C9orf43: variants seen among roughly 807,000 people sequenced by gnomAD.
C9orf43 encodes the protein uncharacterized protein C9orf43.
In C9orf43, 45 loss-of-function variants were observed where a neutral mutation model predicts 59.1. The observed-to-expected ratio is 0.76, with a 90% CI of 0.60 to 0.98. The LOEUF (loss-of-function observed/expected upper bound fraction) is 0.98. C9orf43 is among the 50% of genes least tolerant of loss of function. C9orf43 has a pLI of 0.00. For missense variants in C9orf43, 533 were observed against 554.9 expected, an observed-to-expected ratio of 0.96 and a Z score of 0.40; for synonymous variants, 203 against 196.8, an observed-to-expected ratio of 1.03 and a Z score of -0.26.
Position 113,429,160 on chromosome 9 carries a change from A to T in C9orf43, c.1172-12A>T, listed in dbSNP as rs1190966854. 4.3e-6 allele frequency: 7 copies of T among 1,612,638 alleles called. No individual in the cohort carries two copies. The African/African-American group carries it at 9.4e-5, about 22-fold the overall frequency. On this transcript the variant is annotated splice_polypyrimidine_tract_variant and intron_variant, in intron 13 of 13. Coordinates refer to ENST00000374165, the MANE Select transcript of C9orf43 (RefSeq NM_001278629.2). ...GTTTACAGGTGCAATTAATGACTGC[A>T]TCTTCTTTTAGGTCCTGAATTGTAT... is the stretch of plus-strand genomic sequence containing the variant.
chr9:113,424,352 T>C (rs983704982), intron 8 of C9orf43, 36 bp downstream of exon 8: 2 of 1,566,740 alleles, frequency 1.3e-6, no homozygotes, highest in South Asian at 2.4e-5. Flanking sequence ...GAAGCCTATG[T>C]GAAAATTCAA....
intron 3 of C9orf43, 149 bp downstream of exon 3, chr9:113,414,043 A>T (rs750037166): frequency 7.7e-5 from 66 of 851,914 alleles, no homozygotes; most frequent in Non-Finnish European, 1.1e-4. Flanking sequence ...AGTGGGAAAC[A>T]GAAAGAAACC....
intron 7 of C9orf43, 59 bp downstream of exon 7, chr9:113,423,557 A>G: frequency 6.5e-7 from 1 of 1,537,768 alleles, no homozygotes; most frequent in African/African-American, 1.4e-5. Flanking sequence ...TGAAGCTGGG[A>G]TGGGTCTAAA....
chr9:113,423,347 C>G lies in C9orf43; in HGVS notation c.505C>G (p.Leu169Val), dbSNP rs771203600. The G allele has an allele frequency of 1.9e-6, 3 of 1,613,848 alleles. No individual in the cohort carries two copies. Among genetic ancestry groups the G allele is most frequent in the Non-Finnish European group, 2.5e-6 (3 of 1,179,830 alleles). Reference sequence around the variant, plus strand: ...CCAGAAAAGCAAGTCATTTCTGGGTCTCTCTGGAAATCAGTCCGCAGGAAC... The same window carrying G: ...CCAGAAAAGCAAGTCATTTCTGGGTGTCTCTGGAAATCAGTCCGCAGGAAC... ...SAVKSKSFLGLSGNQSAGTRV... is the reference protein window; with the variant it reads ...SAVKSKSFLGVSGNQSAGTRV... Residue 169 changes from leucine to valine, a missense_variant, in exon 7 of 14, where the codon CTC becomes GTC. By Grantham distance (32) the Leu-to-Val change is conservative. Transcript: ENST00000374165.
chr9:113,410,978 G>A lies in C9orf43; in HGVS notation c.-73G>A. On this transcript the variant is annotated 5_prime_UTR_variant, in exon 1 of 14. Transcript: ENST00000374165. ...GTTGATGTTCATTTTTAATCTTTTCGCCCCTCACGCTTTTGTAATAATGGT... is the reference window on the plus strand; with the variant it reads ...GTTGATGTTCATTTTTAATCTTTTCACCCCTCACGCTTTTGTAATAATGGT... 1 of 985,880 alleles carries A rather than the reference G, an allele frequency of 1.0e-6. No homozygotes were observed. Among genetic ancestry groups the A allele is most frequent in the Non-Finnish European group, 1.2e-6 (1 of 830,334 alleles). The allele number at this position is 985,880 out of a possible 1,614,324, so 61.1% of individuals were successfully genotyped here.
chr9:113,412,292 TTTTAAAATTGATTCAAA>T (rs1445680142), intron 1 of C9orf43, among the ~76,000 whole-genome samples: 7 of 152,324 alleles, frequency 4.6e-5, no homozygotes, highest in African/African-American at 1.7e-4. Flanking sequence ...GCTATTTCAA[TTTTAAAATTGATTCAAA>T]TTTAAAATTG....
At chr9:113,419,050 G>C in intron 3 of C9orf43, 58 bp from the exon 4 acceptor site, 1 of 1,400,972 alleles carries the variant, frequency 7.1e-7, no homozygotes, top group Non-Finnish European at 1.0e-6. Context: ...TAGCACTAAC[G>C]TTATCATTCC....
At position 113,424,260 on chromosome 9, in the gene C9orf43, C is replaced by A. The variant is rs762276425; in HGVS notation, c.751C>A (p.Pro251Thr). The A allele has an allele frequency of 5.6e-6, 9 of 1,614,054 alleles. No individual in the cohort carries two copies. The highest frequency in any genetic ancestry group is 7.6e-6 in the Non-Finnish European group (9 of 1,179,984). Reference protein sequence around the residue: ...KKNLPLEKNRPDSVISSKMFL... With the variant: ...KKNLPLEKNRTDSVISSKMFL... ...GAATCTTCCCTTGGAAAAGAACCGA[C>A]CTGACAGTGTGATTTCTTCTAAGAT... The change falls in exon 8 of 14, where the codon CCT becomes ACT. Residue 251 changes from proline to threonine, a missense_variant. By Grantham distance (38) the Pro-to-Thr change is conservative (BLOSUM62 -1). Transcript: ENST00000374165.
intron 7 of C9orf43, among the ~76,000 whole-genome samples, 187 bp from the exon 8 acceptor site, chr9:113,423,979 C>T (rs1828685480): frequency 6.6e-6 from 1 of 152,202 alleles, no homozygotes; most frequent in Admixed American, 6.5e-5. Flanking sequence ...AGAATCAGCA[C>T]TGAGTATATG....
At chr9:113,418,459 C>G (rs1017142150) in intron 3 of C9orf43, among the ~76,000 whole-genome samples, 1 of 152,070 alleles carries the variant, frequency 6.6e-6, no homozygotes, top group African/African-American at 2.4e-5. Flanking sequence ...AGTACCAAAC[C>G]CTATATTTAC....
At chr9:113,418,940 G>A (rs534838313) in intron 3 of C9orf43, among the ~76,000 whole-genome samples, 168 bp from the exon 4 acceptor site, 5 of 152,288 alleles carry the variant, frequency 3.3e-5, no homozygotes, top group South Asian at 4.1e-4. Context: ...GAGCTGTTCC[G>A]GGAAAAACAA....
rs1288623032 is a variant in C9orf43, at chr9:113,413,524, G to A, written c.31G>A (p.Glu11Lys). 5.0e-6 allele frequency: 8 copies of A among 1,613,800 alleles called. No individual in the cohort carries two copies. Among genetic ancestry groups the A allele is most frequent in the Admixed American group, 1.7e-5 (1 of 59,994 alleles). Residue 11 changes from glutamate to lysine, a missense_variant, in exon 2 of 14, where the codon GAA (glutamate) becomes AAA (lysine). By Grantham distance (56) the Glu-to-Lys change is moderately conservative (BLOSUM62 1). Coordinates refer to ENST00000374165, the MANE Select transcript of C9orf43 (RefSeq NM_001278629.2). MDLPDESQWD[E>K]TTCGLAVCQH... ...CTTGCCAGATGAGAGCCAGTGGGAC[G>A]AAACCACCTGTGGCTTGGCTGTTTG...
intron 11 of C9orf43, 117 bp from the exon 12 acceptor site, chr9:113,428,030 A>G: frequency 2.1e-6 from 2 of 934,094 alleles, no homozygotes; most frequent in South Asian, 1.4e-5. Context: ...CCTGCCATCA[A>G]GGTCTTGTCT....
intron 3 of C9orf43, among the ~76,000 whole-genome samples, 166 bp from the exon 4 acceptor site, chr9:113,418,942 G>A (rs1235985266): frequency 6.6e-6 from 1 of 152,194 alleles, no homozygotes; most frequent in Non-Finnish European, 1.5e-5. Flanking sequence ...GCTGTTCCGG[G>A]AAAAACAAAC....
intron 13 of C9orf43, 57 bp downstream of exon 13, chr9:113,429,020 C>A: frequency 6.5e-7 from 1 of 1,539,788 alleles, no homozygotes. Flanking sequence ...GAGAGTTGAA[C>A]CTGTGTTGAC....
intron 6 of C9orf43, 27 bp downstream of exon 6, chr9:113,422,612 T>C: frequency 6.2e-7 from 1 of 1,612,784 alleles, no homozygotes; most frequent in Non-Finnish European, 8.5e-7. Flanking sequence ...TGTGCAAACC[T>C]TTATAATATT....
chr9:113,413,927 A>G (rs781625652), intron 3 of C9orf43, 33 bp downstream of exon 3: 13 of 1,577,578 alleles, frequency 8.2e-6, no homozygotes, highest in Admixed American at 3.9e-5. Context: ...TTTACAGCCT[A>G]TTGTCTCAAA....
intron 3 of C9orf43, among the ~76,000 whole-genome samples, chr9:113,414,800 C>T (rs1325041656): frequency 3.3e-5 from 5 of 152,152 alleles, no homozygotes; most frequent in Non-Finnish European, 5.9e-5. Context: ...TTCAGCCCAT[C>T]TTATCAGCAT....
intron 4 of C9orf43, chr9:113,420,829 A>G (rs1828534517): frequency 7.2e-6 from 7 of 978,816 alleles, no homozygotes; most frequent in African/African-American, 1.8e-5. Context: ...GGGCACCCTC[A>G]TATGGGATTG....
Sources: allele counts gnomAD v4.1 joint callset (sites outside exome capture counted in the v4.1 genomes callset), GRCh38; gene constraint gnomAD v4.1.1; transcripts MANE v1.5; gene names NCBI Gene and HGNC (gene_info 2026-07-23, HGNC 2026-07-21).